The following FIP1L1 variants were observed in gnomAD, a reference collection of about 807,000 sequenced individuals.
FIP1L1 encodes factor interacting with PAPOLA and CPSF1.
FIP1L1 carries 21 observed loss-of-function variants against 84.6 expected under a neutral mutation model. The ratio of observed to expected loss-of-function variants is 0.25; its 90% CI spans 0.18 to 0.36. The LOEUF (loss-of-function observed/expected upper bound fraction) is 0.36, where lower values mean the gene tolerates loss of function less well. Among genes scored for constraint, FIP1L1 ranks in the 10% least tolerant of loss-of-function variants. FIP1L1 has a pLI of 1.00. For missense variants in FIP1L1, 526 were observed against 751.1 expected (o/e 0.70, Z 3.50); for synonymous variants, 263 against 242.3 (o/e 1.09, Z -0.80).
intron 15 of FIP1L1, among the ~76,000 whole-genome samples, chr4:53,449,242 C>G (rs1023921428): frequency 3.9e-5 from 6 of 152,048 alleles, no homozygotes; most frequent in Non-Finnish European, 7.4e-5. Flanking sequence ...GGAAATGCTT[C>G]TAGATTTTTA....
intron 13 of FIP1L1, 62 bp downstream of exon 13, chr4:53,428,245 T>G (rs1765101353): frequency 6.9e-7 from 1 of 1,439,132 alleles, no homozygotes; most frequent in Non-Finnish European, 9.3e-7. Context: ...TTTTTTAAAA[T>G]TTTTGACAAT....
rs1286889131 is a variant in FIP1L1 at position 53,391,503 on chromosome 4, A to T, written c.705+5A>T. The T allele has an allele frequency of 6.2e-7, 1 of 1,604,684 alleles. No homozygotes were observed. Among genetic ancestry groups the T allele is most frequent in the Admixed American group, 1.7e-5 (1 of 59,986 alleles). ...GGCAGATTCAATCTTTTTAAGGTGA[A>T]TTTTAGTAAATTATCCTTGGTTGCT... On this transcript the variant is annotated splice_donor_5th_base_variant and intron_variant, in intron 9 of 17. Transcript: ENST00000337488.
chr4:53,391,761 T>C (rs185943688), intron 9 of FIP1L1, among the ~76,000 whole-genome samples: 1 of 152,314 alleles, frequency 6.6e-6, no homozygotes, highest in Admixed American at 6.5e-5. Flanking sequence ...TCGTAATACA[T>C]GTTTGTAGGA....
chr4:53,428,015 C>A lies in FIP1L1; in HGVS notation c.1018-12C>A. 6.3e-7 allele frequency: 1 copy of A among 1,591,200 alleles called. No homozygotes were observed. Reference sequence around the variant, plus strand: ...TTATGCATCTGTTTAATTAACTGTGCTCTAATTTTAGGTCCTTTCTGAAAG... The same window carrying A: ...TTATGCATCTGTTTAATTAACTGTGATCTAATTTTAGGTCCTTTCTGAAAG... On this transcript the variant is annotated splice_polypyrimidine_tract_variant and intron_variant, in intron 12 of 17. Coordinates refer to ENST00000337488, the MANE Select transcript of FIP1L1 (RefSeq NM_030917.4).
chr4:53,417,801 TC>T (rs1760469032), intron 11 of FIP1L1, among the ~76,000 whole-genome samples: 6 of 121,764 alleles, frequency 4.9e-5, no homozygotes, highest in African/African-American at 1.0e-4. Context: ...TCTCTCTCTC[TC>T]TCTCTCTCTC....
intron 10 of FIP1L1, 41 bp downstream of exon 10, chr4:53,399,880 G>A (rs1476113861): frequency 7.8e-7 from 1 of 1,287,212 alleles, no homozygotes; most frequent in South Asian, 1.2e-5. Context: ...TACGACATTG[G>A]TATCTTTACA....
rs762515099 is a variant in FIP1L1, at chr4:53,383,867, C to A, written c.323C>A (p.Pro108Gln). 1.9e-6 allele frequency: 3 copies of A among 1,611,808 alleles called. No individual in the cohort carries two copies. The Admixed American group carries it at 5.0e-5, about 27-fold the overall frequency. The part of the protein sequence containing the change: ...VTIGDIKTGA[P>Q]QYGSYGTAPV... ...ATAGGAGACATTAAAACGGGAGCAC[C>A]ACAGTATGGGTAAGTTATTTTTTAG... The change falls in exon 5 of 18, where the codon CCA becomes CAA. Residue 108 changes from proline (P) to glutamine (Q), a missense_variant. Physicochemically the swap from Pro to Gln is moderately conservative, Grantham distance 76. Around this residue, in one of 6 missense-constraint regions of FIP1L1, gnomAD observed 169 missense variants for 206.9 expected, o/e 0.82. Transcript: ENST00000337488.
At chr4:53,407,962 T>A (rs1211182285) in intron 10 of FIP1L1, among the ~76,000 whole-genome samples, 2 of 152,218 alleles carry the variant, frequency 1.3e-5, no homozygotes, top group Admixed American at 1.3e-4. Context: ...TGCCAGTCTG[T>A]GTCTTTTAAT....
In FIP1L1 at chr4:53,414,695, A is replaced by G; in HGVS notation, c.896A>G (p.Tyr299Cys). Residue 299 changes from tyrosine (Y) to cysteine (C), a missense_variant, in exon 11 of 18, where the codon TAT (tyrosine) becomes TGT (cysteine). Tyr to Cys is a radical substitution (Grantham distance 194). Transcript: ENST00000337488. ...AGCGTTGGGAAGTGGCAGGATCGAT[A>G]TGGGAGGGCCGAATCACCTGATCTA... is the stretch of plus-strand genomic sequence containing the variant. ...NSSVGKWQDR[Y>C]GRAESPDLRR... is the part of the protein sequence containing the mutation. 6.2e-7 allele frequency: 1 copy of G among 1,613,118 alleles called. No homozygotes were observed. The highest frequency in any genetic ancestry group is 1.1e-5 in the South Asian group (1 of 91,004).
At chr4:53,423,450 GA>G (rs1177284917) in intron 11 of FIP1L1, among the ~76,000 whole-genome samples, 1 of 152,132 alleles carries the variant, frequency 6.6e-6, no homozygotes, top group African/African-American at 2.4e-5. Context: ...AGCAATGAAA[GA>G]AAAAGCTGTC....
chr4:53,391,110 C>G lies in FIP1L1; in HGVS notation c.607C>G (p.Pro203Ala). 1 of 1,609,556 alleles carries G rather than the reference C, an allele frequency of 6.2e-7. No individual in the cohort carries two copies. Among genetic ancestry groups the G allele is most frequent in the Admixed American group, 1.7e-5 (1 of 59,040 alleles). ...GATACGAATGGGACTTGAAGTTATA[C>G]CAGTAACCTCTACTACAAATAAAAT... Reference protein sequence around the residue: ...KRIRMGLEVIPVTSTTNKITA... With the variant: ...KRIRMGLEVIAVTSTTNKITA... Residue 203 changes from proline to alanine, a missense_variant, in exon 8 of 18, where the codon CCA becomes GCA. Physicochemically the swap from Pro to Ala is conservative, Grantham distance 27. Transcript: ENST00000337488.
intron 13 of FIP1L1, among the ~76,000 whole-genome samples, chr4:53,437,747 A>T (rs1770068824): frequency 1.3e-5 from 2 of 151,604 alleles, no homozygotes; most frequent in African/African-American, 4.8e-5. Context: ...TTTTTTTGAG[A>T]TGGAGTCTCG....
intron 11 of FIP1L1, among the ~76,000 whole-genome samples, chr4:53,424,552 A>G (rs1177668933): frequency 6.6e-6 from 1 of 152,174 alleles, no homozygotes. Flanking sequence ...CTAAAGTTAT[A>G]GAGAAGGGAA....
intron 9 of FIP1L1, among the ~76,000 whole-genome samples, chr4:53,398,412 A>G (rs1015028054): frequency 1.3e-5 from 2 of 152,242 alleles, no homozygotes; most frequent in African/African-American, 4.8e-5. Flanking sequence ...TAAGAGAGCT[A>G]TCTGACTATA....
chr4:53,442,429 C>T (rs1772338272), intron 13 of FIP1L1: 2 of 443,628 alleles, frequency 4.5e-6, no homozygotes, highest in Admixed American at 4.0e-5. Context: ...TGTCCTGACT[C>T]CCAGTTTGTT....
chr4:53,410,703 A>G (rs548820577), intron 10 of FIP1L1, among the ~76,000 whole-genome samples: 106 of 152,350 alleles, frequency 7.0e-4, no homozygotes, highest in Middle Eastern at 6.8e-3. Flanking sequence ...TAACATAACT[A>G]TTTGTTTAAG....
At chr4:53,410,329 C>G (rs372396595) in intron 10 of FIP1L1, among the ~76,000 whole-genome samples, 1 of 152,196 alleles carries the variant, frequency 6.6e-6, no homozygotes, top group African/African-American at 2.4e-5. Flanking sequence ...GTAGAATGGT[C>G]GTTGAGTTCT....
intron 13 of FIP1L1, 121 bp downstream of exon 13, chr4:53,428,304 C>T: frequency 3.3e-6 from 3 of 914,210 alleles, no homozygotes; most frequent in Non-Finnish European, 3.1e-6. Context: ...GATATAATAT[C>T]TTCAACAGAT....
rs375164549 is a variant in FIP1L1, at chr4:53,379,125, C to A, written c.130+8C>A. 80 of 1,613,820 alleles carry A rather than the reference C, an allele frequency of 5.0e-5. No homozygotes were observed. Among genetic ancestry groups the A allele is most frequent in the Non-Finnish European group, 6.4e-5 (76 of 1,179,906 alleles). On this transcript the variant is annotated splice_region_variant and intron_variant, in intron 2 of 17. Coordinates refer to ENST00000337488, the MANE Select transcript of FIP1L1 (RefSeq NM_030917.4). ...ATTTGGCAAAGGACCTAGGTTAGTG[C>A]TTGTGATGATCACTTCAGATTTTCA... is the stretch of plus-strand genomic sequence containing the variant.
Sources: gnomAD v4.1 joint callset for allele counts (sites outside exome capture counted in the v4.1 genomes callset) on GRCh38, gnomAD v4.1.1 for gene constraint, gnomAD v4.1.1 regional missense constraint, MANE v1.5 for transcripts, NCBI Gene and HGNC (gene_info 2026-07-23, HGNC 2026-07-21) for gene names.